AIDA: variants seen among roughly 807,000 people sequenced by gnomAD.
AIDA encodes the protein axin interactor, dorsalization-associated protein.
A neutral mutation model predicts 42.7 loss-of-function variants in AIDA; 18 were observed. The observed-to-expected ratio is 0.42, with a 90% CI of 0.29 to 0.63. The LOEUF is 0.63. Among genes scored for constraint, AIDA ranks in the 20% least tolerant of loss-of-function variants. The pLI, the probability that AIDA is intolerant of heterozygous loss-of-function variation, is 0.19. For missense variants in AIDA, 250 were observed against 354.1 expected, an observed-to-expected ratio of 0.71 and a Z score of 2.36; for synonymous variants, 104 against 122.9, an observed-to-expected ratio of 0.85 and a Z score of 1.02.
intron 1 of AIDA, among the ~76,000 whole-genome samples, chr1:222,705,832 C>T (rs1211526437): frequency 2.0e-5 from 3 of 151,878 alleles, no homozygotes; most frequent in Non-Finnish European, 2.9e-5. Context: ...TGCAGTGAGC[C>T]AAGATCGCAC....
At chr1:222,689,465 A>G (rs1385008157) in intron 4 of AIDA, among the ~76,000 whole-genome samples, 1 of 96,048 alleles carries the variant, frequency 1.0e-5, no homozygotes, top group African/African-American at 4.5e-5. Context: ...AAAAGAAAAT[A>G]TGTATGTGTG....
intron 1 of AIDA, chr1:222,711,945 C>A (rs1656070874): frequency 2.2e-6 from 1 of 446,192 alleles, no homozygotes; most frequent in East Asian, 5.0e-5. Flanking sequence ...GGCCTGCGCC[C>A]CAGGAAAGAA....
chr1:222,675,652 A>T (rs1306774062), intron 7 of AIDA, among the ~76,000 whole-genome samples: 1 of 152,200 alleles, frequency 6.6e-6, no homozygotes, highest in Non-Finnish European at 1.5e-5. Context: ...GGACTCTCCA[A>T]TGTAGACCTC....
chr1:222,699,168 T>A (rs986205292), intron 2 of AIDA, among the ~76,000 whole-genome samples: 3 of 152,180 alleles, frequency 2.0e-5, no homozygotes, highest in Non-Finnish European at 1.5e-5. Context: ...TTCAAAGTTG[T>A]GCAAACTATT....
At chr1:222,703,392 T>C (rs995167793) in intron 1 of AIDA, among the ~76,000 whole-genome samples, 175 bp from the exon 2 acceptor site, 5 of 151,778 alleles carry the variant, frequency 3.3e-5, no homozygotes, top group Non-Finnish European at 7.4e-5. Flanking sequence ...TATACAATGA[T>C]GATGAAAATA....
chr1:222,694,510 T>C (rs1655460902), intron 2 of AIDA, among the ~76,000 whole-genome samples: 1 of 152,234 alleles, frequency 6.6e-6, no homozygotes, highest in African/African-American at 2.4e-5. Flanking sequence ...TCAAGTTTGC[T>C]TTGATGACAG....
At chr1:222,673,472 A>G (rs778712870) in intron 7 of AIDA, 37 bp from the exon 8 acceptor site, 38 of 1,520,156 alleles carry the variant, frequency 2.5e-5, no homozygotes, top group African/African-American at 5.6e-5. Context: ...GGAACATTCA[A>G]ATATACAGAC....
intron 9 of AIDA, 47 bp from the exon 10 acceptor site, chr1:222,670,036 G>T: frequency 6.2e-7 from 1 of 1,612,190 alleles, no homozygotes; most frequent in South Asian, 1.1e-5. Context: ...ATTGATAACT[G>T]AACTCTTCAA....
chr1:222,694,178 T>G, intron 3 of AIDA, 32 bp downstream of exon 3: 1 of 1,572,038 alleles, frequency 6.4e-7, no homozygotes, highest in Non-Finnish European at 8.7e-7. Context: ...TAATTTATTT[T>G]CCTTGTATTA....
At chr1:222,671,619 G>C (rs1423666555) in intron 8 of AIDA, among the ~76,000 whole-genome samples, 2 of 152,218 alleles carry the variant, frequency 1.3e-5, no homozygotes, top group African/African-American at 4.8e-5. Flanking sequence ...CAATTGCTCA[G>C]GAGACAATGG....
chr1:222,700,192 C>T (rs1655651414), intron 2 of AIDA, among the ~76,000 whole-genome samples: 1 of 152,198 alleles, frequency 6.6e-6, no homozygotes. Context: ...CAACTGGCAG[C>T]CACAAATGCC....
intron 1 of AIDA, among the ~76,000 whole-genome samples, chr1:222,707,999 CAT>C (rs559454671): frequency 8.3e-4 from 127 of 152,286 alleles, no homozygotes; most frequent in Admixed American, 1.9e-3. Flanking sequence ...GTAGCAGAGA[CAT>C]AAAGCACAGC....
chr1:222,709,013 A>G (rs1655920490), intron 1 of AIDA, among the ~76,000 whole-genome samples: 1 of 152,232 alleles, frequency 6.6e-6, no homozygotes, highest in Admixed American at 6.5e-5. Flanking sequence ...GACACTAAGT[A>G]TACAGTAGAG....
chr1:222,692,598 G>C (rs1482347389), intron 4 of AIDA, among the ~76,000 whole-genome samples: 5 of 152,130 alleles, frequency 3.3e-5, no homozygotes, highest in Admixed American at 1.3e-4. Context: ...ACAAAGCACT[G>C]AATCAGGCTC....
At chr1:222,696,249 C>T (rs1655520344) in intron 2 of AIDA, among the ~76,000 whole-genome samples, 1 of 152,174 alleles carries the variant, frequency 6.6e-6, no homozygotes, top group African/African-American at 2.4e-5. Flanking sequence ...TGCATAGAAA[C>T]CAGCAAATAG....
chr1:222,682,665 T>C (rs1664674487), intron 6 of AIDA, among the ~76,000 whole-genome samples: 1 of 152,222 alleles, frequency 6.6e-6, no homozygotes, highest in African/African-American at 2.4e-5. Context: ...TAAATTTGCA[T>C]ATCTGGTACA....
intron 4 of AIDA, among the ~76,000 whole-genome samples, chr1:222,689,530 C>CAT (rs1655304406): frequency 4.1e-5 from 3 of 72,392 alleles, no homozygotes; most frequent in Admixed American, 1.2e-4. Flanking sequence ...TACACACATA[C>CAT]ACACACACAC....
At chr1:222,672,245 T>A (rs977204119) in intron 8 of AIDA, among the ~76,000 whole-genome samples, 1 of 152,064 alleles carries the variant, frequency 6.6e-6, no homozygotes, top group Non-Finnish European at 1.5e-5. Context: ...CACAGTGTAA[T>A]AAAATAGAAA....
chr1:222,690,126 C>T (rs1655334134), intron 4 of AIDA, among the ~76,000 whole-genome samples: 1 of 152,168 alleles, frequency 6.6e-6, no homozygotes, highest in African/African-American at 2.4e-5. Context: ...TAAGTGCACT[C>T]TATGATGCTC....
Sources: gnomAD v4.1 joint callset for allele counts (sites outside exome capture counted in the v4.1 genomes callset) on GRCh38, gnomAD v4.1.1 for gene constraint, MANE v1.5 for transcripts, NCBI Gene and HGNC (gene_info 2026-07-23, HGNC 2026-07-21) for gene names.